Variants in PLXNA4 observed in about 807,000 individuals in gnomAD.
PLXNA4 encodes the protein plexin A4, also known as plexin-A4.
In PLXNA4, 44 loss-of-function variants were observed where a neutral mutation model predicts 191.8. The observed-to-expected ratio is 0.23, with a 90% CI of 0.18 to 0.29. The LOEUF (loss-of-function observed/expected upper bound fraction) is 0.29, where lower values mean the gene tolerates loss of function less well. PLXNA4 is among the 10% of genes least tolerant of loss of function. PLXNA4 has a pLI of 1.00. For missense variants in PLXNA4, 1,800 were observed against 2,488.8 expected (o/e 0.72, Z 5.89); for synonymous variants, 1,082 against 1,009.5 (o/e 1.07, Z -1.36).
intron 1 of PLXNA4, among the ~76,000 whole-genome samples, chr7:132,559,047 C>T (rs548795862): frequency 2.0e-5 from 3 of 152,250 alleles, no homozygotes; most frequent in African/African-American, 7.2e-5. Context: ...GACCACAGAT[C>T]ACTGTGGTTA....
chr7:132,368,907 C>T (rs1804310140), intron 3 of PLXNA4, among the ~76,000 whole-genome samples: 1 of 152,224 alleles, frequency 6.6e-6, no homozygotes, highest in Admixed American at 6.5e-5. Flanking sequence ...CTGCATTCAC[C>T]TCACATAGCA....
intron 4 of PLXNA4, chr7:132,264,251 C>T (rs1799762101): frequency 6.6e-6 from 1 of 152,298 alleles, no homozygotes; most frequent in Middle Eastern, 3.4e-3. Flanking sequence ...ATCCATATCC[C>T]ATCAGAACCC....
chr7:132,384,125 C>G (rs1250863912), intron 3 of PLXNA4: 5 of 985,310 alleles, frequency 5.1e-6, no homozygotes, highest in Non-Finnish European at 6.0e-6. Context: ...TTCTCAAGAG[C>G]CCTCCTGATT....
intron 4 of PLXNA4, among the ~76,000 whole-genome samples, chr7:132,279,097 T>A (rs993661864): frequency 2.6e-5 from 4 of 152,192 alleles, no homozygotes; most frequent in African/African-American, 9.6e-5. Context: ...TGAAGACATA[T>A]GCACAAAGTT....
chr7:132,349,028 T>C (rs1184414522), intron 3 of PLXNA4, among the ~76,000 whole-genome samples: 1 of 152,156 alleles, frequency 6.6e-6, no homozygotes, highest in Non-Finnish European at 1.5e-5. Context: ...CCATGTGTAC[T>C]TCTGTTTGCT....
Position 132,446,584 on chromosome 7 carries a change from T to C in PLXNA4, c.1371+42708A>G, listed in dbSNP as rs1405617822. Reference sequence around the variant, plus strand: ...TTTGAACTGCCTCCTCGAAGAGAAGTGAAACTTAACTTTATAAACCAGACA... The same window carrying C: ...TTTGAACTGCCTCCTCGAAGAGAAGCGAAACTTAACTTTATAAACCAGACA... On this transcript the variant is annotated intron_variant, in intron 3 of 31. Coordinates refer to ENST00000321063, the MANE Select transcript of PLXNA4 (RefSeq NM_020911.2). Among the ~76,000 whole-genome samples, 4 of 152,304 alleles carry C rather than the reference T, an allele frequency of 2.6e-5. No homozygotes were observed. In the East Asian group the frequency reaches 7.7e-4, roughly 29 times the overall value.
At chr7:132,288,829 A>G (rs951230444) in intron 4 of PLXNA4, among the ~76,000 whole-genome samples, 4 of 152,162 alleles carry the variant, frequency 2.6e-5, no homozygotes, top group African/African-American at 9.7e-5. Context: ...GTATCTCCAC[A>G]ACAGCCTCTT....
At chr7:132,336,377 T>A (rs1420181226) in intron 3 of PLXNA4, among the ~76,000 whole-genome samples, 1 of 152,144 alleles carries the variant, frequency 6.6e-6, no homozygotes, top group Non-Finnish European at 1.5e-5. Context: ...TCCAGAGTAG[T>A]CTTTCCAAAG....
intron 4 of PLXNA4, among the ~76,000 whole-genome samples, chr7:132,290,966 T>C (rs1454945750): frequency 6.6e-6 from 1 of 152,224 alleles, no homozygotes; most frequent in Non-Finnish European, 1.5e-5. Context: ...TGAGCTAAGC[T>C]CTTTTACATG....
intron 25 of PLXNA4, among the ~76,000 whole-genome samples, chr7:132,155,836 G>T (rs1321952852): frequency 6.6e-6 from 1 of 152,186 alleles, no homozygotes; most frequent in East Asian, 1.9e-4. Flanking sequence ...TTCTGTGAGG[G>T]TGTCTTTCTA....
intron 2 of PLXNA4, among the ~76,000 whole-genome samples, chr7:132,614,037 GC>G (rs1803104310): frequency 6.6e-6 from 1 of 152,186 alleles, no homozygotes; most frequent in African/African-American, 2.4e-5. Flanking sequence ...AAGTGAGAAA[GC>G]CCAGGACTTT....
chr7:132,411,940 G>C (rs988314787), intron 3 of PLXNA4, among the ~76,000 whole-genome samples: 3 of 152,080 alleles, frequency 2.0e-5, no homozygotes, highest in African/African-American at 7.2e-5. Flanking sequence ...GCTCCTGCCT[G>C]CCCCTCCAAA....
chr7:132,609,429 T>C (rs1803004339), intron 2 of PLXNA4, among the ~76,000 whole-genome samples: 1 of 152,134 alleles, frequency 6.6e-6, no homozygotes, highest in African/African-American at 2.4e-5. Context: ...GAGCATGTGG[T>C]TTGTGGGCAA....
At chr7:132,595,906 C>T (rs1802702214) in intron 2 of PLXNA4, among the ~76,000 whole-genome samples, 1 of 152,146 alleles carries the variant, frequency 6.6e-6, no homozygotes, top group Non-Finnish European at 1.5e-5. Context: ...GAGAACGAAA[C>T]ATTATCCTAC....
In PLXNA4 at chr7:132,555,057, C is replaced by CAAAAAAAAAAAAACA. The variant is rs1329396023; in HGVS notation, c.-87+21364_-87+21365insTGTTTTTTTTTTTTT. ...GGTAAACCTGAAGGAAAAAAAAAAA[C>CAAAAAAAAAAAAACA]AAAAAAAAAACAGTAACCATCACCA... On this transcript the variant is annotated intron_variant, in intron 1 of 31. Coordinates refer to ENST00000321063, the MANE Select transcript of PLXNA4 (RefSeq NM_020911.2). Among the ~76,000 whole-genome samples the CAAAAAAAAAAAAACA allele has an allele frequency of 6.1e-5, 8 of 131,980 alleles. No homozygotes were observed. The South Asian group carries it at 1.6e-3, about 26-fold the overall frequency. 86.6% of individuals were successfully genotyped at this position (131,980 alleles called of 152,430 possible).
chr7:132,481,626 C>T (rs537736197), intron 3 of PLXNA4, among the ~76,000 whole-genome samples: 1 of 152,342 alleles, frequency 6.6e-6, no homozygotes, highest in South Asian at 2.1e-4. Flanking sequence ...GTTCCCTCTG[C>T]ACCACCTCTT....
rs1802240259 is a variant in PLXNA4, at chr7:132,576,421, C to T, written c.-87+1G>A. 1 of 985,752 alleles carries T rather than the reference C, an allele frequency of 1.0e-6. No individual in the cohort carries two copies. Among genetic ancestry groups the T allele is most frequent in the Non-Finnish European group, 1.2e-6 (1 of 830,060 alleles). 61.1% of individuals were successfully genotyped at this position (985,752 alleles called of 1,614,324 possible). On this transcript the variant is annotated splice_donor_variant, in intron 1 of 31. Coordinates refer to ENST00000321063, the MANE Select transcript of PLXNA4 (RefSeq NM_020911.2). LOFTEE classifies it low-confidence loss of function (5UTR_SPLICE). The surrounding 1 kb of genome is among the most constrained non-coding windows in gnomAD (Gnocchi z 5.8). ...CACTCCCCGGCGGGCCGGCTCCTTA[C>T]CTGGACGCGCCGCGTTTCCCTCCTT...
chr7:132,499,499 T>G (rs999315423), intron 2 of PLXNA4, among the ~76,000 whole-genome samples: 5 of 152,224 alleles, frequency 3.3e-5, no homozygotes, highest in Non-Finnish European at 1.5e-5. Context: ...AGTGGCTACC[T>G]GTCAGGGGCA....
At chr7:132,211,320 G>A (rs569384339) in intron 9 of PLXNA4, among the ~76,000 whole-genome samples, 177 bp from the exon 10 acceptor site, 7 of 152,352 alleles carry the variant, frequency 4.6e-5, no homozygotes, top group African/African-American at 1.7e-4. Context: ...AAATGAAACT[G>A]AGGAATCCGA....
Sources: allele counts gnomAD v4.1 joint callset (sites outside exome capture counted in the v4.1 genomes callset), GRCh38; gene constraint gnomAD v4.1.1; non-coding constraint Gnocchi (gnomAD v3.1); transcripts MANE v1.5; gene names NCBI Gene and HGNC (gene_info 2026-07-23, HGNC 2026-07-21).